Variants in PROCR observed in about 807,000 individuals in gnomAD.
PROCR encodes the protein endothelial protein C receptor.
PROCR carries 22 observed loss-of-function variants against 24.2 expected under a neutral mutation model. The ratio of observed to expected loss-of-function variants is 0.91; its 90% CI spans 0.65 to 1.30. The LOEUF (loss-of-function observed/expected upper bound fraction) is 1.30. Among genes scored for constraint, PROCR ranks in the 50% most tolerant of loss-of-function variants. The pLI is 0.00. For synonymous variants in PROCR, 137 were observed against 139.2 expected (o/e 0.98, Z 0.11); for missense variants, 288 against 307.7 (o/e 0.94, Z 0.48).
chr20:35,188,563 T>G (rs2086146658), intron 1 of PROCR, among the ~76,000 whole-genome samples: 1 of 152,226 alleles, frequency 6.6e-6, no homozygotes, highest in South Asian at 2.1e-4. Context: ...TACATGTGTT[T>G]TGAATCAATG....
intron 1 of PROCR, among the ~76,000 whole-genome samples, chr20:35,198,764 G>C (rs2060308598): frequency 6.6e-6 from 1 of 151,608 alleles, no homozygotes; most frequent in Admixed American, 6.6e-5. Flanking sequence ...ACCCAGGCTG[G>C]TGTGCAGTGG....
intron 1 of PROCR, among the ~76,000 whole-genome samples, chr20:35,214,907 C>CTTTTTTTTT (rs71198708): frequency 8.4e-6 from 1 of 119,516 alleles, no homozygotes. Flanking sequence ...TTTTCTTTTT[C>CTTTTTTTTT]TTTTTTTTTT....
intron 1 of PROCR, chr20:35,202,679 A>G (rs1022449505): frequency 2.0e-5 from 3 of 152,194 alleles, no homozygotes; most frequent in African/African-American, 7.2e-5. Flanking sequence ...GTATGCAACT[A>G]ACAAAGATCC....
intron 1 of PROCR, among the ~76,000 whole-genome samples, chr20:35,197,588 C>G (rs948483183): frequency 2.0e-5 from 3 of 151,982 alleles, no homozygotes; most frequent in African/African-American, 7.2e-5. Context: ...CTTTGGGAGG[C>G]CGAGGTGGGC....
downstream of PROCR, chr20:35,177,376 CA>C (rs1178958187): frequency 5.1e-5 from 50 of 982,820 alleles, 1 homozygote; most frequent in East Asian, 4.4e-3. Context: ...TTATCTCCTC[CA>C]CTTTGCAAAA....
chr20:35,171,992 TATA>T, upstream of PROCR: 1 of 705,768 alleles, frequency 1.4e-6, no homozygotes, highest in Admixed American at 2.0e-5. Context: ...AATAACACTT[TATA>T]AGCCTCTTCC....
chr20:35,200,756 C>G (rs952981374), intron 1 of PROCR, among the ~76,000 whole-genome samples: 1 of 152,190 alleles, frequency 6.6e-6, no homozygotes, highest in African/African-American at 2.4e-5. Flanking sequence ...CAGCGATTCT[C>G]CTGCCTAAGC....
Position 35,172,114 on chromosome 20 carries a change from GGCCCGA to G in PROCR, c.-37_-32del. 1 of 1,606,058 alleles carries G rather than the reference GGCCCGA, an allele frequency of 6.2e-7. No individual in the cohort carries two copies. The highest frequency in any genetic ancestry group is 8.5e-7 in the Non-Finnish European group (1 of 1,172,814). Reference sequence around the variant, plus strand: ...ACTGCAGCCAGCGGAGCCCGCAGCCGGCCCGAGCCAGGAACCCAGGTCCGGAGCCTC... The same window carrying G: ...ACTGCAGCCAGCGGAGCCCGCAGCCGGCCAGGAACCCAGGTCCGGAGCCTC... On this transcript the variant is annotated 5_prime_UTR_variant, in exon 1 of 4. Coordinates refer to ENST00000216968, the MANE Select transcript of PROCR (RefSeq NM_006404.5).
rs577567992 is a variant in PROCR, at chr20:35,204,997, G to T, written c.95-10896G>T. Among the ~76,000 whole-genome samples the T allele has an allele frequency of 2.0e-5, 3 of 152,168 alleles. No homozygotes were observed. In the South Asian group the frequency reaches 6.2e-4, roughly 32 times the overall value. On this transcript the variant is annotated intron_variant, in intron 1 of 1. Coordinates refer to the PROCR transcript ENST00000634509. The stretch of plus-strand genomic sequence containing the variant: ...TGGTGTAACATTCAAAAATAGCCAG[G>T]CATGGTGGCTCACGCCTGTAATCCC...
At chr20:35,210,565 T>C (rs948718498) in intron 1 of PROCR, among the ~76,000 whole-genome samples, 2 of 151,970 alleles carry the variant, frequency 1.3e-5, no homozygotes, top group East Asian at 1.9e-4. Context: ...CAAACAAAAA[T>C]ATAGACATAT....
At chr20:35,175,508 C>G (rs1315559212) in intron 2 of PROCR, among the ~76,000 whole-genome samples, 3 of 151,458 alleles carry the variant, frequency 2.0e-5, no homozygotes, top group Non-Finnish European at 2.9e-5. Flanking sequence ...CACCAAGCAC[C>G]ACTCCGTCCC....
intron 1 of PROCR, among the ~76,000 whole-genome samples, chr20:35,187,772 C>T (rs986391140): frequency 6.6e-6 from 1 of 152,134 alleles, no homozygotes; most frequent in Non-Finnish European, 1.5e-5. Context: ...AAGTCAGTGC[C>T]CCTCTCTGAG....
At chr20:35,198,699 A>G (rs1250661781) in intron 1 of PROCR, among the ~76,000 whole-genome samples, 1 of 152,116 alleles carries the variant, frequency 6.6e-6, no homozygotes, top group Non-Finnish European at 1.5e-5. Context: ...TTCTATTGGA[A>G]GAAGATGCCA....
chr20:35,189,178 A>G (rs2086151600), intron 1 of PROCR, among the ~76,000 whole-genome samples: 1 of 152,102 alleles, frequency 6.6e-6, no homozygotes, highest in Admixed American at 6.6e-5. Flanking sequence ...TTCTCTTATT[A>G]CCAAAAATGG....
intron 1 of PROCR, among the ~76,000 whole-genome samples, chr20:35,214,759 T>C (rs2060375257): frequency 6.6e-6 from 1 of 152,026 alleles, no homozygotes; most frequent in Non-Finnish European, 1.5e-5. Context: ...AATATGCTTT[T>C]AAGGGAGAAA....
chr20:35,197,813 C>A (rs1290462384), intron 1 of PROCR, among the ~76,000 whole-genome samples: 1 of 133,816 alleles, frequency 7.5e-6, no homozygotes, highest in African/African-American at 2.7e-5. Context: ...CAGAGCAAGA[C>A]TCCGTCTCAA....
At chr20:35,184,714 G>C (rs891902890) in intron 1 of PROCR, among the ~76,000 whole-genome samples, 5 of 151,348 alleles carry the variant, frequency 3.3e-5, no homozygotes, top group Non-Finnish European at 7.4e-5. Context: ...TCACAAAAAA[G>C]AAAAAAACAC....
intron 1 of PROCR, among the ~76,000 whole-genome samples, chr20:35,194,658 C>T (rs1011574585): frequency 9.2e-5 from 14 of 152,166 alleles, no homozygotes; most frequent in Admixed American, 6.5e-4. Flanking sequence ...AAAAAGAAAG[C>T]TTGGTAATGG....
intron 1 of PROCR, among the ~76,000 whole-genome samples, chr20:35,214,369 G>A (rs907254403): frequency 1.3e-5 from 2 of 151,840 alleles, no homozygotes; most frequent in Non-Finnish European, 2.9e-5. Context: ...TCATAAATTC[G>A]TAAGTACTTC....
Sources: allele counts gnomAD v4.1 joint callset (sites outside exome capture counted in the v4.1 genomes callset), GRCh38; gene constraint gnomAD v4.1.1; transcripts MANE v1.5; gene names NCBI Gene and HGNC (gene_info 2026-07-23, HGNC 2026-07-21).